Variants in XYLT1 observed in about 807,000 individuals in gnomAD.
XYLT1 encodes xylosyltransferase 1, also known as beta-D-xylosyltransferase 1.
XYLT1 carries 36 observed loss-of-function variants against 91.3 expected under a neutral mutation model. That is an observed-to-expected ratio of 0.39 (90% CI 0.30 to 0.52). The LOEUF is 0.52. Among genes scored for constraint, XYLT1 ranks in the 20% least tolerant of loss-of-function variants. The pLI is 0.68. For missense variants in XYLT1, 1,242 were observed against 1,284.5 expected (o/e 0.97, Z 0.51); for synonymous variants, 588 against 532.0 (o/e 1.11, Z -1.45).
intron 1 of XYLT1, among the ~76,000 whole-genome samples, chr16:17,446,660 G>T (rs1428089252): frequency 6.6e-6 from 1 of 152,186 alleles, no homozygotes; most frequent in Admixed American, 6.5e-5. Context: ...TTCTGCAGGT[G>T]ATCAGGCTGG....
intron 1 of XYLT1, among the ~76,000 whole-genome samples, chr16:17,452,465 T>G (rs2036679745): frequency 6.6e-6 from 1 of 152,034 alleles, no homozygotes; most frequent in African/African-American, 2.4e-5. Flanking sequence ...GACTTTTATT[T>G]TAATTATTTT....
intron 2 of XYLT1, among the ~76,000 whole-genome samples, chr16:17,337,696 T>C (rs2035001361): frequency 6.6e-6 from 1 of 152,106 alleles, no homozygotes. Flanking sequence ...GAATTCCTTC[T>C]TCTCTCCAAA....
At chr16:17,387,961 G>A (rs1289745908) in intron 1 of XYLT1, among the ~76,000 whole-genome samples, 1 of 152,152 alleles carries the variant, frequency 6.6e-6, no homozygotes, top group Non-Finnish European at 1.5e-5. Context: ...CCATGACTCA[G>A]TATCTTAGAC....
intron 3 of XYLT1, among the ~76,000 whole-genome samples, chr16:17,258,338 T>G (rs150676385): frequency 3.4e-5 from 4 of 117,444 alleles, no homozygotes; most frequent in East Asian, 2.4e-4. Flanking sequence ...AGAAAGGAAA[T>G]AGGAAAGAAG....
intron 1 of XYLT1, among the ~76,000 whole-genome samples, chr16:17,453,033 G>A (rs2036687634): frequency 6.6e-6 from 1 of 152,152 alleles, no homozygotes; most frequent in Non-Finnish European, 1.5e-5. Context: ...TCACATCTGG[G>A]AATTCCACTC....
At chr16:17,380,924 T>C (rs2035671909) in intron 1 of XYLT1, among the ~76,000 whole-genome samples, 1 of 152,234 alleles carries the variant, frequency 6.6e-6, no homozygotes, top group Non-Finnish European at 1.5e-5. Context: ...TACTGTGTGA[T>C]TCCACTTATA....
chr16:17,395,085 C>T (rs777156419), intron 1 of XYLT1, among the ~76,000 whole-genome samples: 8 of 152,142 alleles, frequency 5.3e-5, no homozygotes, highest in Non-Finnish European at 8.8e-5. Context: ...AACTTACAAT[C>T]GTGGCAGAAG....
At chr16:17,160,388 G>A (rs1209103616) in intron 5 of XYLT1, among the ~76,000 whole-genome samples, 2 of 152,064 alleles carry the variant, frequency 1.3e-5, no homozygotes, top group East Asian at 1.9e-4. Context: ...ATTTCCCTGC[G>A]CCTCTGCAGT....
At chr16:17,423,382 G>A (rs931680683) in intron 1 of XYLT1, among the ~76,000 whole-genome samples, 1 of 151,704 alleles carries the variant, frequency 6.6e-6, no homozygotes, top group Non-Finnish European at 1.5e-5. Flanking sequence ...TCCAACAATG[G>A]CTGGCAGTAA....
rs186490876 is a variant in XYLT1, at chr16:17,311,615, A to G, written c.402+46397T>C. Among the ~76,000 whole-genome samples the G allele has an allele frequency of 2.6e-5, 4 of 152,252 alleles. 1 individual carries two copies. In the East Asian group the frequency reaches 7.8e-4, roughly 30 times the overall value. On this transcript the variant is annotated intron_variant, in intron 2 of 11. Transcript: ENST00000261381. The stretch of plus-strand genomic sequence containing the variant: ...TGTGGGTGAATTCCTTCCTTCTTCA[A>G]CAACGTTGATGCTGATTTCATGCTG...
intron 10 of XYLT1, among the ~76,000 whole-genome samples, chr16:17,126,504 C>G (rs1455124825): frequency 6.6e-6 from 1 of 152,202 alleles, no homozygotes; most frequent in Non-Finnish European, 1.5e-5. Context: ...GAAACTCTCA[C>G]TGGTGCCTGT....
chr16:17,436,776 T>C (rs1567202657), intron 1 of XYLT1, among the ~76,000 whole-genome samples: 1 of 152,226 alleles, frequency 6.6e-6, no homozygotes, highest in Non-Finnish European at 1.5e-5. Context: ...ACATCTCCAC[T>C]GGTGCTTTCC....
chr16:17,135,242 G>T (rs2030669389), intron 8 of XYLT1, among the ~76,000 whole-genome samples: 1 of 152,180 alleles, frequency 6.6e-6, no homozygotes, highest in Non-Finnish European at 1.5e-5. Flanking sequence ...CTGAAGGGTG[G>T]TGGCTGTTCC....
Position 17,141,358 on chromosome 16 carries a change from T to C in XYLT1, c.1382A>G (p.Lys461Arg). The C allele has an allele frequency of 6.2e-7, 1 of 1,614,010 alleles. No homozygotes were observed. Among genetic ancestry groups the C allele is most frequent in the East Asian group, 2.2e-5 (1 of 44,862 alleles). The change falls in exon 7 of 12, where the codon AAG becomes AGG. Residue 461 changes from lysine (K) to arginine (R), a missense_variant. Lys to Arg is a conservative substitution (Grantham distance 26). This residue lies in a region of XYLT1 where 294 missense variants were observed against 376.0 expected (regional missense o/e 0.78). Transcript: ENST00000261381. The stretch of plus-strand genomic sequence containing the variant: ...CAGGAAGAGCCGATCCAGGCCCTGC[T>C]TCCGAATGAACCTGGGAGGGAGAAA... ...HGRDNARFIRKQGLDRLFLEC... is the reference protein window; with the variant it reads ...HGRDNARFIRRQGLDRLFLEC...
intron 5 of XYLT1, among the ~76,000 whole-genome samples, chr16:17,171,315 A>G (rs2031814851): frequency 6.6e-6 from 1 of 152,218 alleles, no homozygotes; most frequent in African/African-American, 2.4e-5. Flanking sequence ...TTGAGCTTGA[A>G]GGACAGTTGA....
At chr16:17,151,062 G>A (rs146636609) in intron 6 of XYLT1, among the ~76,000 whole-genome samples, 2,177 of 152,276 alleles carry the variant, frequency 0.014, 55 homozygotes, top group African/African-American at 0.05. Flanking sequence ...ACAAGTCCAC[G>A]TGGCTTGGAT....
intron 5 of XYLT1, among the ~76,000 whole-genome samples, chr16:17,169,777 C>G (rs943659926): frequency 6.6e-6 from 1 of 152,170 alleles, no homozygotes; most frequent in Non-Finnish European, 1.5e-5. Flanking sequence ...TGAGGCATCT[C>G]AAATGTGCAC....
rs2030621916 is a variant in XYLT1 at position 17,134,380 on chromosome 16, G to C, written c.2027+93C>G. The C allele has an allele frequency of 1.3e-5, 20 of 1,504,276 alleles. No homozygotes were observed. The South Asian group carries it at 2.4e-4, about 18-fold the overall frequency. The allele number at this position is 1,504,276 out of a possible 1,614,324, so 93.2% of individuals were successfully genotyped here. On this transcript the variant is annotated intron_variant, in intron 9 of 11. Transcript: ENST00000261381. The stretch of plus-strand genomic sequence containing the variant: ...AAGCATAGGGTGGCATTGCATTGCA[G>C]ATCCCTAAAGAGGAAGAAGGACCCC...
chr16:17,209,926 C>T (rs976718612), intron 3 of XYLT1, among the ~76,000 whole-genome samples: 1 of 152,182 alleles, frequency 6.6e-6, no homozygotes, highest in African/African-American at 2.4e-5. Context: ...GACGGGATCT[C>T]GCTCTGTTGC....
Sources: allele counts gnomAD v4.1 joint callset (sites outside exome capture counted in the v4.1 genomes callset), GRCh38; gene constraint gnomAD v4.1.1; regional missense constraint gnomAD v4.1.1; transcripts MANE v1.5; gene names NCBI Gene and HGNC (gene_info 2026-07-23, HGNC 2026-07-21).